Variants in DLGAP2 observed in about 807,000 individuals in gnomAD.
DLGAP2 encodes disks large-associated protein 2.
In DLGAP2, 26 loss-of-function variants were observed where a neutral mutation model predicts 100.3. That is an observed-to-expected ratio of 0.26 (90% CI 0.19 to 0.36). The LOEUF (loss-of-function observed/expected upper bound fraction) is 0.36. DLGAP2 is among the 10% of genes least tolerant of loss of function. The probability of loss-of-function intolerance (pLI) is 1.00; values close to 1 mark genes in which losing one functional copy is unlikely to be tolerated. For missense variants in DLGAP2, 1,858 were observed against 1,453.2 expected (o/e 1.28, Z -4.53); for synonymous variants, 886 against 630.1 (o/e 1.41, Z -6.08).
intron 1 of DLGAP2, among the ~76,000 whole-genome samples, chr8:884,205 G>A (rs928094427): frequency 3.3e-5 from 5 of 152,216 alleles, no homozygotes; most frequent in African/African-American, 1.2e-4. Flanking sequence ...GGAACCTTGA[G>A]GAATTGTCAT....
chr8:1,219,791 C>A (rs1798281574), intron 2 of DLGAP2, among the ~76,000 whole-genome samples: 1 of 152,006 alleles, frequency 6.6e-6, no homozygotes, highest in Non-Finnish European at 1.5e-5. Context: ...TTTTAGAACT[C>A]ATTATTGGTC....
Position 1,701,695 on chromosome 8 carries a change from C to T in DLGAP2, c.*289C>T. 6.9e-6 allele frequency: 3 copies of T among 434,284 alleles called. No individual in the cohort carries two copies. Among genetic ancestry groups the T allele is most frequent in the African/African-American group, 4.1e-5 (2 of 48,682 alleles). 26.9% of individuals were successfully genotyped at this position (434,284 alleles called of 1,614,324 possible). On this transcript the variant is annotated 3_prime_UTR_variant, in exon 15 of 15. Coordinates refer to ENST00000637795, the MANE Select transcript of DLGAP2 (RefSeq NM_001346810.2). ...AGACCTGATTTCTCCTGCGTGTTCTCAGAGGACGGCGAGAAATGCCTCTGG... is the reference window on the plus strand; with the variant it reads ...AGACCTGATTTCTCCTGCGTGTTCTTAGAGGACGGCGAGAAATGCCTCTGG...
At chr8:798,851 A>C (rs1326132462) in intron 1 of DLGAP2, among the ~76,000 whole-genome samples, 16 of 138,704 alleles carry the variant, frequency 1.2e-4, no homozygotes, top group African/African-American at 2.5e-4. Flanking sequence ...ACGCTTGTTG[A>C]GTCAGGACCT....
chr8:1,255,301 C>T (rs372779625), intron 2 of DLGAP2, among the ~76,000 whole-genome samples: 5 of 48,596 alleles, frequency 1.0e-4, no homozygotes, highest in African/African-American at 2.9e-4. Flanking sequence ...TGTGTGTGTG[C>T]CCTCTCATCC....
chr8:1,376,746 G>A (rs943219653), intron 3 of DLGAP2, among the ~76,000 whole-genome samples: 1 of 69,446 alleles, frequency 1.4e-5, no homozygotes, highest in South Asian at 5.9e-4. Flanking sequence ...TGTGGTCATC[G>A]GCGGATGGCG....
chr8:1,314,351 C>T lies in DLGAP2; in HGVS notation c.106+55468C>T, dbSNP rs188362462. On this transcript the variant is annotated intron_variant, in intron 3 of 14. Transcript: ENST00000637795. ...CTGCAGCCAACTGAAGTGATTTTGC[C>T]GTCGCACTGTTCACCTTGGAAGTGC... Among the ~76,000 whole-genome samples, 36 of 152,252 alleles carry T rather than the reference C, an allele frequency of 2.4e-4. No homozygotes were observed. In the South Asian group the frequency reaches 4.2e-3, roughly 18 times the overall value.
intron 1 of DLGAP2, among the ~76,000 whole-genome samples, chr8:852,733 C>G (rs1313414977): frequency 1.3e-5 from 2 of 152,176 alleles, no homozygotes; most frequent in Non-Finnish European, 2.9e-5. Flanking sequence ...CCACCCAAAC[C>G]CAGCAAGGCT....
intron 1 of DLGAP2, chr8:891,640 G>A (rs1798037573): frequency 6.6e-6 from 1 of 152,548 alleles, no homozygotes; most frequent in Non-Finnish European, 1.5e-5. Context: ...TGGGAGTAGA[G>A]GATGGGTGGT....
intron 3 of DLGAP2, among the ~76,000 whole-genome samples, chr8:1,376,755 C>G (rs572697395): frequency 2.2e-5 from 2 of 89,550 alleles, no homozygotes; most frequent in Non-Finnish European, 4.7e-5. Context: ...CGGCGGATGG[C>G]GGGGACAGGG....
At chr8:1,206,064 G>A (rs905740063) in intron 2 of DLGAP2, among the ~76,000 whole-genome samples, 26 of 152,152 alleles carry the variant, frequency 1.7e-4, no homozygotes, top group Admixed American at 6.5e-5. Flanking sequence ...CATCTCAGTC[G>A]GGATATCTCT....
intron 1 of DLGAP2, among the ~76,000 whole-genome samples, chr8:882,016 C>T (rs1294115178): frequency 6.6e-6 from 1 of 152,184 alleles, no homozygotes; most frequent in Non-Finnish European, 1.5e-5. Flanking sequence ...GGCATAAGTG[C>T]TCACCTGTGT....
At chr8:1,307,855 G>A (rs978858410) in intron 3 of DLGAP2, among the ~76,000 whole-genome samples, 2 of 152,174 alleles carry the variant, frequency 1.3e-5, no homozygotes, top group Non-Finnish European at 2.9e-5. Flanking sequence ...GGCTGCCGGG[G>A]ACTGGGCGCT....
Position 1,073,291 on chromosome 8 carries a change from C to G in DLGAP2, c.73+165325C>G, listed in dbSNP as rs79725929. On this transcript the variant is annotated intron_variant, in intron 2 of 14. Transcript: ENST00000637795. Reference sequence around the variant, plus strand: ...TCTAAAGAATAAAATTGTAAAAAAACTGGGTATAAAACAAATAGCCAAATC... The same window carrying G: ...TCTAAAGAATAAAATTGTAAAAAAAGTGGGTATAAAACAAATAGCCAAATC... Among the ~76,000 whole-genome samples, 789 of 152,192 alleles carry G rather than the reference C, an allele frequency of 5.2e-3. 8 individuals are homozygous for G. The highest frequency in any genetic ancestry group is 0.018 in the African/African-American group (752 of 41,506).
At chr8:1,619,162 A>T (rs1386350505) in intron 6 of DLGAP2, among the ~76,000 whole-genome samples, 1 of 152,252 alleles carries the variant, frequency 6.6e-6, no homozygotes, top group Non-Finnish European at 1.5e-5. Context: ...ACGTAAAGAC[A>T]ACCCCAGAAA....
intron 1 of DLGAP2, among the ~76,000 whole-genome samples, chr8:878,461 G>A (rs1228023401): frequency 6.6e-6 from 1 of 152,172 alleles, no homozygotes; most frequent in East Asian, 1.9e-4. Context: ...AGGTTGTGGG[G>A]ACTGCAGAGC....
intron 2 of DLGAP2, among the ~76,000 whole-genome samples, chr8:1,187,726 A>G (rs1196662175): frequency 1.4e-5 from 2 of 141,236 alleles, no homozygotes; most frequent in South Asian, 2.3e-4. Context: ...ACGGAATCTC[A>G]CACGCCCGAG....
chr8:1,373,946 T>A (rs1424664462), intron 3 of DLGAP2, among the ~76,000 whole-genome samples: 1 of 152,172 alleles, frequency 6.6e-6, no homozygotes, highest in Non-Finnish European at 1.5e-5. Context: ...TTATCCCAAT[T>A]GAATAGTCGG....
At chr8:860,175 C>T (rs1180622563) in intron 1 of DLGAP2, among the ~76,000 whole-genome samples, 3 of 152,136 alleles carry the variant, frequency 2.0e-5, no homozygotes, top group Non-Finnish European at 4.4e-5. Flanking sequence ...TTCCGTACTT[C>T]TTGTGGTAGC....
chr8:1,500,542 G>A (rs532241847), intron 3 of DLGAP2, among the ~76,000 whole-genome samples: 4 of 152,388 alleles, frequency 2.6e-5, no homozygotes, highest in East Asian at 1.9e-4. Context: ...CTGGAGAGTC[G>A]GCACCTGGTT....
Sources: allele counts gnomAD v4.1 joint callset (sites outside exome capture counted in the v4.1 genomes callset), GRCh38; gene constraint gnomAD v4.1.1; transcripts MANE v1.5; gene names NCBI Gene and HGNC (gene_info 2026-07-23, HGNC 2026-07-21).